TCEANC2: variants seen among roughly 807,000 people sequenced by gnomAD.
TCEANC2 encodes the protein transcription elongation factor A N-terminal and central domain-containing protein 2.
TCEANC2 carries 20 observed loss-of-function variants against 22.8 expected under a neutral mutation model. That is an observed-to-expected ratio of 0.88 (90% CI 0.62 to 1.28). The LOEUF (loss-of-function observed/expected upper bound fraction) is 1.28. Among genes scored for constraint, TCEANC2 ranks in the 50% most tolerant of loss-of-function variants. The pLI is 0.00. For missense variants in TCEANC2, 251 were observed against 249.7 expected, an observed-to-expected ratio of 1.01 and a Z score of -0.03; for synonymous variants, 84 against 95.5, an observed-to-expected ratio of 0.88 and a Z score of 0.70.
At chr1:54,107,470 G>A (rs974652161), downstream of TCEANC2, among the ~76,000 whole-genome samples, 1 of 152,020 alleles carries the variant, frequency 6.6e-6, no homozygotes, top group African/African-American at 2.4e-5. Flanking sequence ...TGTTTTTGGA[G>A]GCAAGTCACC....
chr1:54,108,420 C>G (rs1304726044), downstream of TCEANC2, among the ~76,000 whole-genome samples: 1 of 152,194 alleles, frequency 6.6e-6, no homozygotes, highest in Non-Finnish European at 1.5e-5. Flanking sequence ...TGGGTGAGCC[C>G]TAATCCAGTA....
chr1:54,065,159 C>T (rs1000936697), intron 2 of TCEANC2, among the ~76,000 whole-genome samples: 3 of 152,086 alleles, frequency 2.0e-5, no homozygotes, highest in Admixed American at 6.5e-5. Context: ...AGAAGAAAAA[C>T]AGAACTTGTC....
chr1:54,086,948 AACAG>A (rs1320840730), intron 3 of TCEANC2, among the ~76,000 whole-genome samples: 1 of 152,214 alleles, frequency 6.6e-6, no homozygotes, highest in African/African-American at 2.4e-5. Flanking sequence ...AGTGGGCACA[AACAG>A]ACAGCACAAG....
At chr1:54,086,325 T>C (rs960748290) in intron 3 of TCEANC2, among the ~76,000 whole-genome samples, 1 of 152,160 alleles carries the variant, frequency 6.6e-6, no homozygotes, top group South Asian at 2.1e-4. Flanking sequence ...TAATTACAAC[T>C]AACTCTAGTA....
chr1:54,096,062 G>A lies in TCEANC2; in HGVS notation c.439-223G>A, dbSNP rs1471029227. ...CCAGTTTCCTGTTATATTACCACCC[G>A]GCAGGGGTTGTGAATGAGGTCCCTG... is the stretch of plus-strand genomic sequence containing the variant. On this transcript the variant is annotated intron_variant, in intron 4 of 4. Coordinates refer to ENST00000234827, the MANE Select transcript of TCEANC2 (RefSeq NM_153035.3). This position sits in a 1 kb window ranked among gnomAD's most constrained non-coding sequence, Gnocchi z 4.9. Among the ~76,000 whole-genome samples, 2 of 152,132 alleles carry A rather than the reference G, an allele frequency of 1.3e-5. No homozygotes were observed. The highest frequency in any genetic ancestry group is 4.8e-5 in the African/African-American group (2 of 41,424).
chr1:54,102,162 T>A lies in TCEANC2; in HGVS notation c.*5689T>A, dbSNP rs182420760. On this transcript the variant is annotated 3_prime_UTR_variant, in exon 5 of 5. Coordinates refer to ENST00000234827, the MANE Select transcript of TCEANC2 (RefSeq NM_153035.3). ...CCATGTACCGGATGACACAGAAAGT[T>A]GTGTTTTGATTGGGGCCCAGAGCAG... The A allele has an allele frequency of 5.9e-5, 9 of 152,284 alleles. No individual in the cohort carries two copies. The highest frequency in any genetic ancestry group is 1.3e-4 in the Non-Finnish European group (9 of 68,048). 9.4% of individuals were successfully genotyped at this position (152,284 alleles called of 1,614,324 possible). A position where few individuals can be genotyped will look rare whatever the true frequency, so the allele number is the denominator to read the frequency against.
At chr1:54,090,142 G>A (rs537917537) in intron 4 of TCEANC2, 54 of 462,730 alleles carry the variant, frequency 1.2e-4, no homozygotes, top group South Asian at 1.0e-4. Context: ...AAAACAGCTC[G>A]TAGTTGATGC....
At chr1:54,060,111 C>A in intron 2 of TCEANC2, among the ~76,000 whole-genome samples, 1 of 151,820 alleles carries the variant, frequency 6.6e-6, no homozygotes, top group East Asian at 1.9e-4. Context: ...CTCATCTTTA[C>A]CAAAAAAAAT....
At chr1:54,080,364 G>A (rs1283829568) in intron 3 of TCEANC2, among the ~76,000 whole-genome samples, 4 of 151,826 alleles carry the variant, frequency 2.6e-5, no homozygotes, top group Admixed American at 1.3e-4. Flanking sequence ...GGCTGTTGTC[G>A]AACTCCTGGC....
intron 3 of TCEANC2, 113 bp from the exon 4 acceptor site, chr1:54,088,484 A>G (rs1464956339): frequency 2.6e-6 from 2 of 776,682 alleles, no homozygotes; most frequent in South Asian, 2.0e-5. Flanking sequence ...GAGTCTTTAC[A>G]TCCTTGGGTG....
chr1:54,073,689 T>C (rs1483732260), intron 3 of TCEANC2, among the ~76,000 whole-genome samples: 1 of 152,206 alleles, frequency 6.6e-6, no homozygotes, highest in Non-Finnish European at 1.5e-5. Context: ...GAATGACATA[T>C]TCAGTTTAGA....
intron 2 of TCEANC2, among the ~76,000 whole-genome samples, chr1:54,055,817 A>G (rs1470471459): frequency 1.3e-5 from 2 of 152,238 alleles, no homozygotes; most frequent in African/African-American, 2.4e-5. Flanking sequence ...GGTGATCTTT[A>G]GTAGCAAGTC....
In TCEANC2 at chr1:54,102,341, G is replaced by C. The variant is rs1658676807; in HGVS notation, c.*5868G>C. The C allele has an allele frequency of 6.6e-6, 1 of 152,220 alleles. No homozygotes were observed. The highest frequency in any genetic ancestry group is 1.5e-5 in the Non-Finnish European group (1 of 68,052). The allele number at this position is 152,220 out of a possible 1,614,324, so 9.4% of individuals were successfully genotyped here. A position where few individuals can be genotyped will look rare whatever the true frequency, so the allele number is the denominator to read the frequency against. On this transcript the variant is annotated 3_prime_UTR_variant, in exon 5 of 5. Coordinates refer to ENST00000234827, the MANE Select transcript of TCEANC2 (RefSeq NM_153035.3). Reference sequence around the variant, plus strand: ...GACCCTACAGGAGAATCACAATGTAGACACCTGGGGTTCTGGAGCAGGGCC... The same window carrying C: ...GACCCTACAGGAGAATCACAATGTACACACCTGGGGTTCTGGAGCAGGGCC...
intron 2 of TCEANC2, among the ~76,000 whole-genome samples, chr1:54,064,939 A>ATCC (rs1251237857): frequency 6.6e-6 from 1 of 151,958 alleles, no homozygotes; most frequent in Non-Finnish European, 1.5e-5. Flanking sequence ...ACCTCAAGTG[A>ATCC]TCCGCCTGCT....
chr1:54,060,476 G>A (rs1366496104), intron 2 of TCEANC2, among the ~76,000 whole-genome samples: 1 of 152,058 alleles, frequency 6.6e-6, no homozygotes, highest in African/African-American at 2.4e-5. Flanking sequence ...GGCTGAGGTA[G>A]GAGGATTGCT....
chr1:54,059,112 C>G (rs1385177985), intron 2 of TCEANC2, among the ~76,000 whole-genome samples: 1 of 150,908 alleles, frequency 6.6e-6, no homozygotes, highest in Admixed American at 6.6e-5. Flanking sequence ...GCCTATAAAT[C>G]TTAGATTATA....
chr1:54,110,751 C>G (rs1187773396), downstream of TCEANC2, among the ~76,000 whole-genome samples: 2 of 152,212 alleles, frequency 1.3e-5, no homozygotes, highest in African/African-American at 4.8e-5. Flanking sequence ...TGTCCTACCC[C>G]TGGCTCCAGC....
At chr1:54,068,663 CAT>C in intron 2 of TCEANC2, 91 bp from the exon 3 acceptor site, 1 of 1,304,452 alleles carries the variant, frequency 7.7e-7, no homozygotes, top group Non-Finnish European at 1.0e-6. Context: ...ATCAATAATT[CAT>C]ATGTCAATAG....
exon 5 of TCEANC2, chr1:54,111,715 A>G (rs1658843736): frequency 6.6e-6 from 1 of 152,230 alleles, no homozygotes; most frequent in Non-Finnish European, 1.5e-5. Flanking sequence ...TCATTTGGCA[A>G]ATGAAAAGCT....
Sources: gnomAD v4.1 joint callset for allele counts (sites outside exome capture counted in the v4.1 genomes callset) on GRCh38, gnomAD v4.1.1 for gene constraint, Gnocchi (gnomAD v3.1) non-coding constraint, MANE v1.5 for transcripts, NCBI Gene and HGNC (gene_info 2026-07-23, HGNC 2026-07-21) for gene names.